Variants in LIMS1 observed in about 807,000 individuals in gnomAD.
The protein encoded by LIMS1 is LIM zinc finger domain containing 1.
A neutral mutation model predicts 44.1 loss-of-function variants in LIMS1; 18 were observed. That is an observed-to-expected ratio of 0.41 (90% CI 0.28 to 0.61). The LOEUF (loss-of-function observed/expected upper bound fraction) is 0.61. Among genes scored for constraint, LIMS1 ranks in the 20% least tolerant of loss-of-function variants. The probability of loss-of-function intolerance (pLI) is 0.32; values close to 1 mark genes in which losing one functional copy is unlikely to be tolerated. For synonymous variants in LIMS1, 93 were observed against 149.1 expected (o/e 0.62, Z 2.74); for missense variants, 201 against 422.0 (o/e 0.48, Z 4.59).
At chr2:108,616,237 A>G (rs1369502135) in intron 1 of LIMS1, among the ~76,000 whole-genome samples, 2 of 99,400 alleles carry the variant, frequency 2.0e-5, no homozygotes, top group African/African-American at 3.9e-5. Context: ...TAGGGGTCTT[A>G]CTCTGTCACC....
chr2:108,644,742 A>G (rs1558825533), intron 1 of LIMS1, among the ~76,000 whole-genome samples: 1 of 152,130 alleles, frequency 6.6e-6, no homozygotes, highest in Non-Finnish European at 1.5e-5. Flanking sequence ...AAGGAAGTTA[A>G]GAACGCTGAA....
intron 1 of LIMS1, among the ~76,000 whole-genome samples, chr2:108,616,240 C>G (rs930945864): frequency 8.6e-6 from 1 of 115,854 alleles, no homozygotes; most frequent in African/African-American, 3.3e-5. Flanking sequence ...GGGTCTTACT[C>G]TGTCACCCAG....
rs181552664 is a variant in LIMS1 at position 108,592,094 on chromosome 2, C to A, written c.32+57500C>A. 1.2e-4 allele frequency among the ~76,000 whole-genome samples: 18 copies of A among 152,244 alleles called. No homozygotes were observed. In the East Asian group the frequency reaches 3.3e-3, roughly 28 times the overall value. The stretch of plus-strand genomic sequence containing the variant: ...ACAGGTGTGAGCCACCACGCCCAGC[C>A]TAGTTTTGTTTTTTTCATGCGGGGA... On this transcript the variant is annotated intron_variant, in intron 1 of 9. Coordinates refer to ENST00000544547, the Ensembl canonical transcript of LIMS1.
At chr2:108,683,885 G>C in exon 10 of LIMS1, 1 of 1,499,800 alleles carries the variant, frequency 6.7e-7, no homozygotes, top group Non-Finnish European at 9.0e-7. Context: ...TTGTCTTTAG[G>C]AATAAGTTTG....
At chr2:108,554,825 G>C (rs1168209953) in intron 1 of LIMS1, among the ~76,000 whole-genome samples, 2 of 152,166 alleles carry the variant, frequency 1.3e-5, no homozygotes, top group African/African-American at 4.8e-5. Context: ...TTGTTGAATA[G>C]CTCCTGTGTG....
At chr2:108,644,032 A>G (rs1420957856) in intron 1 of LIMS1, among the ~76,000 whole-genome samples, 1 of 152,186 alleles carries the variant, frequency 6.6e-6, no homozygotes, top group Non-Finnish European at 1.5e-5. Flanking sequence ...GGACTTACAG[A>G]TAAAACCGTC....
At chr2:108,543,728 T>TA (rs1684390733) in intron 1 of LIMS1, among the ~76,000 whole-genome samples, 1 of 152,198 alleles carries the variant, frequency 6.6e-6, no homozygotes, top group Admixed American at 6.5e-5. Flanking sequence ...AATGCACACT[T>TA]ACCTGTAGAC....
At chr2:108,663,864 C>G (rs1171495102) in intron 2 of LIMS1, among the ~76,000 whole-genome samples, 1 of 151,978 alleles carries the variant, frequency 6.6e-6, no homozygotes, top group African/African-American at 2.4e-5. Flanking sequence ...GAGTGCTTCT[C>G]CTGCCTGAGG....
intron 1 of LIMS1, among the ~76,000 whole-genome samples, chr2:108,581,343 A>G (rs908551034): frequency 7.9e-5 from 12 of 152,198 alleles, no homozygotes; most frequent in Non-Finnish European, 1.5e-4. Context: ...CAAGGTACCT[A>G]AAAAAAGGCA....
intron 1 of LIMS1, among the ~76,000 whole-genome samples, chr2:108,547,275 C>A (rs1024357727): frequency 6.6e-6 from 1 of 152,086 alleles, no homozygotes; most frequent in African/African-American, 2.4e-5. Flanking sequence ...TCTGCTGTAC[C>A]CTTCATCACC....
At chr2:108,602,941 A>T (rs556840477) in intron 1 of LIMS1, among the ~76,000 whole-genome samples, 1 of 151,502 alleles carries the variant, frequency 6.6e-6, no homozygotes, top group African/African-American at 2.4e-5. Context: ...AATTTTTTGT[A>T]TTTTTTTGCA....
chr2:108,681,738 T>A (rs982703971), intron 9 of LIMS1: 3 of 241,542 alleles, frequency 1.2e-5, no homozygotes, highest in South Asian at 1.5e-4. Flanking sequence ...CTGGACTACA[T>A]GCCTAGACCC....
intron 1 of LIMS1, among the ~76,000 whole-genome samples, chr2:108,537,889 A>G (rs1435861580): frequency 6.6e-6 from 1 of 152,236 alleles, no homozygotes; most frequent in African/African-American, 2.4e-5. Context: ...CCATAGCTGC[A>G]GCAGATCAGT....
chr2:108,584,165 G>A (rs1686002569), intron 1 of LIMS1, among the ~76,000 whole-genome samples: 1 of 152,140 alleles, frequency 6.6e-6, no homozygotes, highest in South Asian at 2.1e-4. Flanking sequence ...GTCTATAAAT[G>A]AAAGTGATCT....
intron 1 of LIMS1, among the ~76,000 whole-genome samples, chr2:108,564,805 AAG>A (rs1247275514): frequency 2.0e-5 from 3 of 152,026 alleles, no homozygotes. Context: ...GGGGTTGTCA[AAG>A]AGGGAAAGAC....
chr2:108,560,474 C>A (rs1025755983), intron 1 of LIMS1, among the ~76,000 whole-genome samples: 2 of 151,996 alleles, frequency 1.3e-5, no homozygotes, highest in Admixed American at 1.3e-4. Context: ...TCAAACTCAC[C>A]AGCGGGGCTT....
chr2:108,614,201 A>G (rs959087651), intron 1 of LIMS1, among the ~76,000 whole-genome samples: 2 of 152,168 alleles, frequency 1.3e-5, no homozygotes, highest in African/African-American at 4.8e-5. Flanking sequence ...CCGGTTTGGA[A>G]GGCCCATGCC....
intron 7 of LIMS1, 84 bp from the exon 8 acceptor site, chr2:108,677,895 T>G: frequency 6.5e-7 from 1 of 1,529,774 alleles, no homozygotes. Context: ...AATCCTCAAT[T>G]TAGATAGCCA....
chr2:108,674,149 A>G (rs1692342824), intron 5 of LIMS1, among the ~76,000 whole-genome samples: 1 of 151,278 alleles, frequency 6.6e-6, no homozygotes, highest in Non-Finnish European at 1.5e-5. Context: ...AACACGGTGA[A>G]ACCCCGTCTC....
Sources: allele counts gnomAD v4.1 joint callset (sites outside exome capture counted in the v4.1 genomes callset), GRCh38; gene constraint gnomAD v4.1.1; transcripts MANE v1.5; gene names NCBI Gene and HGNC (gene_info 2026-07-23, HGNC 2026-07-21).